Variants in CSMD1 observed in about 807,000 individuals in gnomAD.
CSMD1 encodes CUB and Sushi multiple domains 1, also known as CUB and sushi domain-containing protein 1.
A neutral mutation model predicts 417.5 loss-of-function variants in CSMD1; 213 were observed. The ratio of observed to expected loss-of-function variants is 0.51; its 90% CI spans 0.46 to 0.57. The LOEUF (loss-of-function observed/expected upper bound fraction) is 0.57. Ranked by LOEUF, CSMD1 falls within the 20% of genes least tolerant of loss-of-function variation. The pLI, the probability that CSMD1 is intolerant of heterozygous loss-of-function variation, is 0.00. For missense variants in CSMD1, 6,923 were observed against 4,529.7 expected, an observed-to-expected ratio of 1.53 and a Z score of -15.17; for synonymous variants, 2,862 against 1,736.8, an observed-to-expected ratio of 1.65 and a Z score of -16.11.
rs568085406 is a variant in CSMD1, at chr8:4,585,290, C to A, written c.302+52052G>T. Among the ~76,000 whole-genome samples, 4 of 151,754 alleles carry A rather than the reference C, an allele frequency of 2.6e-5. No individual in the cohort carries two copies. In the South Asian group the frequency reaches 8.3e-4, roughly 32 times the overall value. On this transcript the variant is annotated intron_variant, in intron 2 of 69. Coordinates refer to ENST00000635120, the MANE Select transcript of CSMD1 (RefSeq NM_033225.6). ...AATTCTGCAGTTGAAATAGGCAGTC[C>A]CAGAAATTAAAAATTAAGCTAATTA...
chr8:4,873,817 A>G (rs927254352), intron 1 of CSMD1, among the ~76,000 whole-genome samples: 2 of 152,124 alleles, frequency 1.3e-5, no homozygotes, highest in Non-Finnish European at 2.9e-5. Flanking sequence ...GCCATTTCTT[A>G]TAAGTTGTTT....
At chr8:4,629,218 C>T (rs757634379) in intron 2 of CSMD1, among the ~76,000 whole-genome samples, 1 of 152,088 alleles carries the variant, frequency 6.6e-6, no homozygotes. Flanking sequence ...AAAGTTTGTA[C>T]TTTATTTTGA....
intron 3 of CSMD1, among the ~76,000 whole-genome samples, chr8:4,044,970 T>C (rs1311577335): frequency 6.6e-6 from 1 of 152,248 alleles, no homozygotes; most frequent in African/African-American, 2.4e-5. Context: ...CAACATCTTG[T>C]TCACGGAGGA....
intron 5 of CSMD1, among the ~76,000 whole-genome samples, chr8:3,876,968 A>T (rs1585127200): frequency 6.6e-6 from 1 of 152,344 alleles, no homozygotes; most frequent in African/African-American, 2.4e-5. Flanking sequence ...GAAATAATTC[A>T]TAAGTCATAA....
intron 3 of CSMD1, among the ~76,000 whole-genome samples, chr8:4,287,720 G>C (rs1345732956): frequency 1.3e-5 from 2 of 151,098 alleles, no homozygotes; most frequent in Admixed American, 6.6e-5. Flanking sequence ...GAGAGGGTTA[G>C]CAAGTTACAC....
intron 3 of CSMD1, among the ~76,000 whole-genome samples, chr8:4,182,371 A>G (rs899967567): frequency 2.0e-5 from 3 of 152,128 alleles, no homozygotes; most frequent in Admixed American, 2.0e-4. Context: ...TACCCAAAGT[A>G]TATTATCTTT....
chr8:4,080,839 C>G (rs1800092125), intron 3 of CSMD1, among the ~76,000 whole-genome samples: 1 of 152,124 alleles, frequency 6.6e-6, no homozygotes, highest in Admixed American at 6.6e-5. Context: ...AAAGGTATTG[C>G]TATGGATTTC....
chr8:4,936,806 G>A lies in CSMD1; in HGVS notation c.85+57526C>T, dbSNP rs1389938910. On this transcript the variant is annotated intron_variant, in intron 1 of 69. Coordinates refer to ENST00000635120, the MANE Select transcript of CSMD1 (RefSeq NM_033225.6). ...CACACTCAAATAAAATATATTAAAT[G>A]GATTTTATAACAGCTTTGCTGCTAA... is the stretch of plus-strand genomic sequence containing the variant. 3.9e-5 allele frequency among the ~76,000 whole-genome samples: 6 copies of A among 152,136 alleles called. 1 individual carries two copies. The South Asian group carries it at 8.3e-4, about 21-fold the overall frequency.
intron 6 of CSMD1, among the ~76,000 whole-genome samples, chr8:3,723,122 C>T (rs1274330775): frequency 6.6e-6 from 1 of 152,106 alleles, no homozygotes; most frequent in African/African-American, 2.4e-5. Context: ...TTGGTGAAGT[C>T]CAATTCGGTG....
At chr8:3,466,949 T>C (rs1320725759) in intron 12 of CSMD1, among the ~76,000 whole-genome samples, 1 of 152,160 alleles carries the variant, frequency 6.6e-6, no homozygotes, top group African/African-American at 2.4e-5. Context: ...ATGGTTTTAA[T>C]TACCTTTTTG....
chr8:3,873,309 C>T (rs987744256), intron 5 of CSMD1, among the ~76,000 whole-genome samples: 1 of 151,986 alleles, frequency 6.6e-6, no homozygotes, highest in African/African-American at 2.4e-5. Flanking sequence ...AACCTAAATG[C>T]CCATCAGCTG....
chr8:4,838,960 TA>T (rs201101816), intron 1 of CSMD1, among the ~76,000 whole-genome samples: 1 of 152,234 alleles, frequency 6.6e-6, no homozygotes, highest in African/African-American at 2.4e-5. Context: ...CAGCAATTCA[TA>T]ATTTTTTTAA....
At chr8:4,811,327 A>C (rs927231841) in intron 1 of CSMD1, among the ~76,000 whole-genome samples, 6 of 152,312 alleles carry the variant, frequency 3.9e-5, no homozygotes, top group African/African-American at 1.4e-4. Flanking sequence ...CGGAGAGAGA[A>C]GTTTCTTCTT....
intron 1 of CSMD1, among the ~76,000 whole-genome samples, chr8:4,923,333 G>A (rs917131008): frequency 6.6e-6 from 1 of 152,042 alleles, no homozygotes; most frequent in African/African-American, 2.4e-5. Context: ...TTAGGAGCAT[G>A]AACAGTTAAC....
At chr8:4,223,101 G>A (rs973052785) in intron 3 of CSMD1, among the ~76,000 whole-genome samples, 3 of 151,068 alleles carry the variant, frequency 2.0e-5, no homozygotes, top group South Asian at 2.1e-4. Flanking sequence ...GCCCTGCCCT[G>A]AGCATCTGTA....
intron 6 of CSMD1, among the ~76,000 whole-genome samples, chr8:3,719,692 G>C (rs1049550102): frequency 1.3e-5 from 2 of 152,112 alleles, no homozygotes; most frequent in African/African-American, 2.4e-5. Context: ...CATTCACATA[G>C]AACACACTGT....
At chr8:3,996,109 C>G (rs570721597) in intron 5 of CSMD1, among the ~76,000 whole-genome samples, 4 of 152,312 alleles carry the variant, frequency 2.6e-5, no homozygotes, top group Non-Finnish European at 5.9e-5. Flanking sequence ...TATTTTCTGA[C>G]ACAAACTAAG....
intron 5 of CSMD1, among the ~76,000 whole-genome samples, chr8:3,917,191 A>G (rs1331587282): frequency 1.3e-5 from 2 of 152,190 alleles, no homozygotes; most frequent in African/African-American, 4.8e-5. Flanking sequence ...TGGAGCGCTT[A>G]ATCTCAGCTA....
At chr8:4,166,531 C>A (rs1305455036) in intron 3 of CSMD1, among the ~76,000 whole-genome samples, 1 of 152,108 alleles carries the variant, frequency 6.6e-6, no homozygotes, top group Non-Finnish European at 1.5e-5. Flanking sequence ...TGTATATTCT[C>A]ATTTATAAGT....
Sources: allele counts gnomAD v4.1 joint callset (sites outside exome capture counted in the v4.1 genomes callset), GRCh38; gene constraint gnomAD v4.1.1; transcripts MANE v1.5; gene names NCBI Gene and HGNC (gene_info 2026-07-23, HGNC 2026-07-21).